Variants in FAM20B observed in about 807,000 individuals in gnomAD.
FAM20B encodes the protein glycosaminoglycan xylosylkinase.
A neutral mutation model predicts 43.8 loss-of-function variants in FAM20B; 23 were observed. The ratio of observed to expected loss-of-function variants is 0.53; its 90% CI spans 0.38 to 0.74. The LOEUF (loss-of-function observed/expected upper bound fraction) is 0.74. FAM20B is among the 30% of genes least tolerant of loss of function. The pLI, the probability that FAM20B is intolerant of heterozygous loss-of-function variation, is 0.00. For missense variants in FAM20B, 440 were observed against 510.5 expected, an observed-to-expected ratio of 0.86 and a Z score of 1.33; for synonymous variants, 178 against 192.4, an observed-to-expected ratio of 0.93 and a Z score of 0.62.
intron 1 of FAM20B, among the ~76,000 whole-genome samples, chr1:179,043,189 G>T (rs1243877512): frequency 6.6e-6 from 1 of 152,236 alleles, no homozygotes; most frequent in African/African-American, 2.4e-5. Context: ...GGTGCCCAAA[G>T]TCCGGAGTGG....
chr1:179,046,680 G>A (rs1572542614), intron 2 of FAM20B, among the ~76,000 whole-genome samples: 1 of 151,048 alleles, frequency 6.6e-6, no homozygotes, highest in East Asian at 2.0e-4. Flanking sequence ...TAAATAAAGA[G>A]ATGAGTTGTG....
At chr1:179,068,054 C>T (rs1428554709) in intron 7 of FAM20B, among the ~76,000 whole-genome samples, 2 of 152,096 alleles carry the variant, frequency 1.3e-5, no homozygotes, top group African/African-American at 4.8e-5. Flanking sequence ...TGAGCCACCG[C>T]GCCCGACCAT....
intron 2 of FAM20B, among the ~76,000 whole-genome samples, chr1:179,049,635 G>C (rs1650917372): frequency 6.6e-6 from 1 of 152,164 alleles, no homozygotes; most frequent in Non-Finnish European, 1.5e-5. Context: ...CCGCCTCCCA[G>C]GTTCAAGCGA....
chr1:179,054,599 G>T lies in FAM20B; in HGVS notation c.535G>T (p.Val179Phe), dbSNP rs748149640. The T allele has an allele frequency of 1.9e-6, 3 of 1,612,948 alleles. No homozygotes were observed. The highest frequency in any genetic ancestry group is 2.2e-5 in the South Asian group (2 of 90,986). The change falls in exon 4 of 8, where the codon GTC becomes TTC. Residue 179 changes from valine to phenylalanine, a missense_variant. Physicochemically the swap from Val to Phe is conservative, Grantham distance 50 (BLOSUM62 -1). Coordinates refer to ENST00000263733, the MANE Select transcript of FAM20B (RefSeq NM_014864.4). ...TAATCTTCGGACAGAGATCAAACCTGTCGCCACAGAGCAGCTGTTGAGCAC... is the reference window on the plus strand; with the variant it reads ...TAATCTTCGGACAGAGATCAAACCTTTCGCCACAGAGCAGCTGTTGAGCAC... ...FVNLRTEIKPVATEQLLSTFL... is the reference protein window; with the variant it reads ...FVNLRTEIKPFATEQLLSTFL...
chr1:179,028,881 G>A (rs964735737), intron 1 of FAM20B, among the ~76,000 whole-genome samples: 9 of 152,152 alleles, frequency 5.9e-5, no homozygotes, highest in Non-Finnish European at 1.2e-4. Context: ...AAATTATTTA[G>A]TTCCTCTTTT....
chr1:179,065,540 C>A (rs1385270770), intron 6 of FAM20B, among the ~76,000 whole-genome samples: 1 of 152,248 alleles, frequency 6.6e-6, no homozygotes, highest in Non-Finnish European at 1.5e-5. Flanking sequence ...TAAGCTAAGA[C>A]ATGGCTCCTC....
In FAM20B at chr1:179,044,211, T is replaced by A; in HGVS notation, c.364T>A (p.Phe122Ile). 6.2e-7 allele frequency: 1 copy of A among 1,607,568 alleles called. No homozygotes were observed. Among genetic ancestry groups the A allele is most frequent in the Non-Finnish European group, 8.5e-7 (1 of 1,175,970 alleles). ...ACTTGAAGGAGGCCAGAAAGTTGTTTTCAAACCTAAGCGGTAAGTTTTGAT... is the reference window on the plus strand; with the variant it reads ...ACTTGAAGGAGGCCAGAAAGTTGTTATCAAACCTAAGCGGTAAGTTTTGAT... ...LILEGGQKVV[F>I]KPKRYSRDHV... is the part of the protein sequence containing the mutation. The change falls in exon 2 of 8, where the codon TTC becomes ATC. Residue 122 changes from phenylalanine to isoleucine, a missense_variant. Transcript: ENST00000263733.
intron 3 of FAM20B, 136 bp downstream of exon 3, chr1:179,050,501 A>G: frequency 1.6e-6 from 1 of 615,752 alleles, no homozygotes; most frequent in South Asian, 2.0e-5. Flanking sequence ...CTAATTGACT[A>G]GTTCCATTAA....
intron 7 of FAM20B, 82 bp downstream of exon 7, chr1:179,066,941 C>T (rs951466487): frequency 2.0e-6 from 2 of 990,242 alleles, no homozygotes; most frequent in Non-Finnish European, 3.2e-6. Flanking sequence ...TTTCTTGGCC[C>T]TCAAACTTTC....
rs543132409 is a variant in FAM20B, at chr1:179,070,573, G to A, written c.999-1340G>A. The stretch of plus-strand genomic sequence containing the variant: ...GGAGTCTTGCTCTTTTGCCCAGGCT[G>A]GAGTGCAGTGGCACAATCTTGGCTC... On this transcript the variant is annotated intron_variant, in intron 7 of 7. Transcript: ENST00000263733. 3.7e-5 allele frequency among the ~76,000 whole-genome samples: 5 copies of A among 135,598 alleles called. 1 individual carries two copies. The South Asian group carries it at 1.2e-3, about 31-fold the overall frequency. The allele number at this position is 135,598 out of a possible 152,430, so 89.0% of individuals were successfully genotyped here.
chr1:179,036,887 G>A (rs928458099), intron 1 of FAM20B, among the ~76,000 whole-genome samples: 3 of 152,206 alleles, frequency 2.0e-5, no homozygotes, highest in Non-Finnish European at 4.4e-5. Context: ...AGCCTTGAAA[G>A]GAGGCTCAGA....
rs1057296839 is a variant in FAM20B, at chr1:179,041,595, C to T, written c.-133-2120C>T. Among the ~76,000 whole-genome samples, 8 of 131,420 alleles carry T rather than the reference C, an allele frequency of 6.1e-5. 1 individual carries two copies. Among genetic ancestry groups the T allele is most frequent in the South Asian group, 4.9e-4 (2 of 4,062 alleles). The allele number at this position is 131,420 out of a possible 152,430, so 86.2% of individuals were successfully genotyped here. The stretch of plus-strand genomic sequence containing the variant: ...GCAGCAGTACAGTCCAGCTTCGGCT[C>T]GGCATCAGAGGGAGACCGTGGAAAG... On this transcript the variant is annotated intron_variant, in intron 1 of 7. Coordinates refer to ENST00000263733, the MANE Select transcript of FAM20B (RefSeq NM_014864.4).
In FAM20B at chr1:179,076,251, T is replaced by TGGG. The variant is rs1165209718; in HGVS notation, c.*4108_*4110dup. 10 of 152,304 alleles carry TGGG rather than the reference T, an allele frequency of 6.6e-5. No homozygotes were observed. Among genetic ancestry groups the TGGG allele is most frequent in the Admixed American group, 6.5e-4 (10 of 15,300 alleles). The allele number at this position is 152,304 out of a possible 1,614,324, so 9.4% of individuals were successfully genotyped here. A position where few individuals can be genotyped will look rare whatever the true frequency, so the allele number is the denominator to read the frequency against. ...TTTTTTCCCTTCAATTCCTCAAGTC[T>TGGG]GGGTGGTGACAAGGTAGGGGCTAGG... On this transcript the variant is annotated 3_prime_UTR_variant, in exon 8 of 8. Transcript: ENST00000263733.
chr1:179,050,072 G>A (rs1264129335), intron 2 of FAM20B, among the ~76,000 whole-genome samples: 4 of 152,194 alleles, frequency 2.6e-5, no homozygotes, highest in Non-Finnish European at 5.9e-5. Flanking sequence ...GATTGGTGAC[G>A]TAGATAGAGA....
chr1:179,038,566 T>G (rs1325322569), intron 1 of FAM20B, among the ~76,000 whole-genome samples: 1 of 152,232 alleles, frequency 6.6e-6, no homozygotes. Flanking sequence ...AAGAAGTGAT[T>G]GTCAATACAA....
At chr1:179,056,089 A>T (rs1373658212) in intron 4 of FAM20B, among the ~76,000 whole-genome samples, 2 of 152,194 alleles carry the variant, frequency 1.3e-5, no homozygotes, top group East Asian at 3.8e-4. Flanking sequence ...AACATCTCAC[A>T]TCACAGTGGT....
At chr1:179,043,278 C>A (rs953461156) in intron 1 of FAM20B, among the ~76,000 whole-genome samples, 1 of 152,244 alleles carries the variant, frequency 6.6e-6, no homozygotes, top group African/African-American at 2.4e-5. Context: ...TGGGCTTTGC[C>A]ACAATTTTGC....
At chr1:179,041,589 T>G (rs1650536184) in intron 1 of FAM20B, among the ~76,000 whole-genome samples, 1 of 133,276 alleles carries the variant, frequency 7.5e-6, no homozygotes, top group Non-Finnish European at 1.7e-5. Context: ...CAGTCCAGCT[T>G]CGGCTCGGCA....
At chr1:179,030,717 A>G (rs1649975319) in intron 1 of FAM20B, among the ~76,000 whole-genome samples, 2 of 152,184 alleles carry the variant, frequency 1.3e-5, no homozygotes, top group Admixed American at 1.3e-4. Flanking sequence ...TTATAACCCT[A>G]AAGGTCTTTC....
Sources: allele counts gnomAD v4.1 joint callset (sites outside exome capture counted in the v4.1 genomes callset), GRCh38; gene constraint gnomAD v4.1.1; transcripts MANE v1.5; gene names NCBI Gene and HGNC (gene_info 2026-07-23, HGNC 2026-07-21).